Variants in MATK observed in about 807,000 individuals in gnomAD.
MATK encodes megakaryocyte-associated tyrosine-protein kinase.
In MATK, 41 loss-of-function variants were observed where a neutral mutation model predicts 59.8. The ratio of observed to expected loss-of-function variants is 0.69; its 90% CI spans 0.53 to 0.89. The LOEUF (loss-of-function observed/expected upper bound fraction) is 0.89, where lower values mean the gene tolerates loss of function less well. Among genes scored for constraint, MATK ranks in the 40% least tolerant of loss-of-function variants. The pLI, the probability that MATK is intolerant of heterozygous loss-of-function variation, is 0.00. For missense variants in MATK, 593 were observed against 719.6 expected, an observed-to-expected ratio of 0.82 and a Z score of 2.01; for synonymous variants, 308 against 306.1, an observed-to-expected ratio of 1.01 and a Z score of -0.06.
chr19:3,778,112 C>T lies in MATK; in HGVS notation c.*71G>A. On this transcript the variant is annotated 3_prime_UTR_variant, in exon 14 of 14. Coordinates refer to ENST00000310132, the MANE Select transcript of MATK (RefSeq NM_139355.3). ...TTGCCCGCCTGGACCCTCCTTGGGC[C>T]TGGTCAGTGCCCCCACGCCGCACTC... The T allele has an allele frequency of 6.7e-7, 1 of 1,499,562 alleles. No homozygotes were observed. The highest frequency in any genetic ancestry group is 1.4e-5 in the African/African-American group (1 of 70,292). The allele number at this position is 1,499,562 out of a possible 1,614,324, so 92.9% of individuals were successfully genotyped here.
At chr19:3,785,431 A>AT in intron 1 of MATK, 145 bp from the exon 2 acceptor site, 1 of 490,750 alleles carries the variant, frequency 2.0e-6, no homozygotes, top group African/African-American at 2.0e-5. Context: ...AGCCTCTCTG[A>AT]TCCCCCCCCA....
At chr19:3,780,139 G>A (rs1033706780) in intron 8 of MATK, among the ~76,000 whole-genome samples, 5 of 152,104 alleles carry the variant, frequency 3.3e-5, no homozygotes. Flanking sequence ...AACTAGCCAG[G>A]TGTGGTGGCA....
intron 1 of MATK, among the ~76,000 whole-genome samples, chr19:3,798,150 A>G (rs2037611991): frequency 6.6e-6 from 1 of 152,236 alleles, no homozygotes; most frequent in South Asian, 2.1e-4. Context: ...CGAGGATAAG[A>G]TGCATACAGG....
chr19:3,794,266 A>C (rs1233473431), intron 1 of MATK, among the ~76,000 whole-genome samples: 2 of 152,068 alleles, frequency 1.3e-5, no homozygotes, highest in Non-Finnish European at 2.9e-5. Context: ...ATATCTTCCT[A>C]ATGAGGGTAA....
chr19:3,779,314 G>A (rs993788610), intron 11 of MATK, 64 bp downstream of exon 11: 58 of 1,591,808 alleles, frequency 3.6e-5, no homozygotes, highest in East Asian at 2.9e-4. Flanking sequence ...GTTTCCCCTT[G>A]ATGGATCTTG....
chr19:3,783,728 G>A (rs905752154), intron 6 of MATK, 86 bp downstream of exon 6: 66 of 1,265,290 alleles, frequency 5.2e-5, no homozygotes, highest in South Asian at 2.3e-4. Context: ...CAGGTGACCC[G>A]CCCCTCTATC....
At chr19:3,791,349 C>CG (rs1568410247), upstream of MATK, among the ~76,000 whole-genome samples, 1 of 149,824 alleles carries the variant, frequency 6.7e-6, no homozygotes, top group Non-Finnish European at 1.5e-5. Flanking sequence ...CACCTCCCCC[C>CG]ACTTTTTTTT....
At position 3,783,927 on chromosome 19, in the gene MATK, C is replaced by T. The variant is rs141805265; in HGVS notation, c.469G>A (p.Val157Ile). Residue 157 changes from valine to isoleucine, a missense_variant, in exon 6 of 14, where the codon GTC (valine) becomes ATC (isoleucine). Val to Ile is a conservative substitution (Grantham distance 29, BLOSUM62 3). Transcript: ENST00000310132. ...TCGCGGCCAAAGCTCACGCACAGGA[C>T]GTAGTCGCCGGGGTGGCGCGCGGAC... The part of the protein sequence containing the change: ...RESARHPGDY[V>I]LCVSFGRDVI... 1.2e-5 allele frequency: 19 copies of T among 1,612,806 alleles called. 1 individual carries two copies. Among genetic ancestry groups the T allele is most frequent in the South Asian group, 3.3e-5 (3 of 91,064 alleles).
chr19:3,780,839 G>T (rs1446485592), intron 8 of MATK, among the ~76,000 whole-genome samples: 1 of 151,324 alleles, frequency 6.6e-6, no homozygotes, highest in African/African-American at 2.4e-5. Context: ...GGGTTCAAGG[G>T]ATCCTCCCAT....
intron 7 of MATK, chr19:3,782,726 G>T: frequency 4.1e-6 from 1 of 241,818 alleles, no homozygotes; most frequent in Non-Finnish European, 8.1e-6. Flanking sequence ...CTCAAGGCCT[G>T]GGCTGGAAGG....
upstream of MATK, among the ~76,000 whole-genome samples, chr19:3,788,804 G>A (rs199672289): frequency 1.3e-5 from 2 of 151,794 alleles, no homozygotes; most frequent in East Asian, 3.9e-4. Context: ...CAATTCTCCT[G>A]TTTCAGCCTC....
In MATK at chr19:3,778,033, C is replaced by T. The variant is rs1483496401; in HGVS notation, c.*150G>A. ...TCGCAGGTCTGGGGTGTCCACGGGC[C>T]GCCCAGAGCCCCCTACGTGGGCCAG... On this transcript the variant is annotated 3_prime_UTR_variant, in exon 14 of 14. Coordinates refer to ENST00000310132, the MANE Select transcript of MATK (RefSeq NM_139355.3). 13 of 1,154,174 alleles carry T rather than the reference C, an allele frequency of 1.1e-5. No homozygotes were observed. In the African/African-American group the frequency reaches 1.1e-4, roughly 10 times the overall value. The allele number at this position is 1,154,174 out of a possible 1,614,324, so 71.5% of individuals were successfully genotyped here.
At chr19:3,781,517 G>T in intron 8 of MATK, 90 bp downstream of exon 8, 1 of 1,361,606 alleles carries the variant, frequency 7.3e-7, no homozygotes, top group Non-Finnish European at 1.0e-6. Context: ...AGGTGGTTAA[G>T]TATGGGTTTG....
upstream of MATK, among the ~76,000 whole-genome samples, chr19:3,786,640 C>T (rs565885438): frequency 3.3e-5 from 5 of 150,916 alleles, no homozygotes; most frequent in South Asian, 1.0e-3. This position sits in a 1 kb window ranked among gnomAD's most constrained non-coding sequence, Gnocchi z 4.1. Context: ...GGGAGATAAG[C>T]AAGGCGCCAA....
In MATK at chr19:3,785,065, CG is replaced by C. The variant is rs758957623; in HGVS notation, c.70del (p.Arg24GlyfsTer2). 1 of 1,613,962 alleles carries C rather than the reference CG, an allele frequency of 6.2e-7. No individual in the cohort carries two copies. Among genetic ancestry groups the C allele is most frequent in the South Asian group, 1.1e-5 (1 of 91,074 alleles). On this transcript the variant is annotated frameshift_variant and splice_region_variant, in exon 2 of 14. Coordinates refer to ENST00000310132, the MANE Select transcript of MATK (RefSeq NM_139355.3). LOFTEE classifies it high-confidence loss of function. Reference sequence around the variant, plus strand: ...CCCCTGTGGGGAAGTGATCTTTACCCGGGGAAGTTCCTCAGCAGAATCACAG... The same window carrying C: ...CCCCTGTGGGGAAGTGATCTTTACCCGGGAAGTTCCTCAGCAGAATCACAG... ...HGCDSAEELP[R>X]VSPRFLRAWH...
At chr19:3,789,688 A>AG (rs1204682201), upstream of MATK, among the ~76,000 whole-genome samples, 1 of 139,310 alleles carries the variant, frequency 7.2e-6, no homozygotes, top group Non-Finnish European at 1.5e-5. Flanking sequence ...TAGCCTCAGG[A>AG]GGGGGTGAGG....
Position 3,783,914 on chromosome 19 carries a change from CT to C in MATK, c.481del (p.Ser161AlafsTer48). ...GTAGTGGATGACGTCGCGGCCAAAGCTCACGCACAGGACGTAGTCGCCGGGG... is the reference window on the plus strand; with the variant it reads ...GTAGTGGATGACGTCGCGGCCAAAGCCACGCACAGGACGTAGTCGCCGGGG... ...RHPGDYVLCVSFGRDVIHYRV... is the reference protein window; with the variant it reads ...RHPGDYVLCVXFGRDVIHYRV... On this transcript the variant is annotated frameshift_variant, in exon 6 of 14. Coordinates refer to ENST00000310132, the MANE Select transcript of MATK (RefSeq NM_139355.3). LOFTEE classifies it high-confidence loss of function. 1 of 1,612,962 alleles carries C rather than the reference CT, an allele frequency of 6.2e-7. No individual in the cohort carries two copies. Among genetic ancestry groups the C allele is most frequent in the Non-Finnish European group, 8.5e-7 (1 of 1,179,898 alleles).
intron 7 of MATK, 64 bp downstream of exon 7, chr19:3,783,062 C>A: frequency 2.6e-6 from 4 of 1,536,072 alleles, no homozygotes; most frequent in Non-Finnish European, 3.6e-6. Flanking sequence ...GCCCCAGGGC[C>A]CTTCCTCCCG....
upstream of MATK, among the ~76,000 whole-genome samples, chr19:3,788,985 A>C (rs2037515919): frequency 6.6e-6 from 1 of 152,066 alleles, no homozygotes; most frequent in African/African-American, 2.4e-5. Context: ...GCCACGGCGC[A>C]TGGTTTACCG....
Sources: gnomAD v4.1 joint callset for allele counts (sites outside exome capture counted in the v4.1 genomes callset) on GRCh38, gnomAD v4.1.1 for gene constraint, Gnocchi (gnomAD v3.1) non-coding constraint, MANE v1.5 for transcripts, NCBI Gene and HGNC (gene_info 2026-07-23, HGNC 2026-07-21) for gene names.